Variants in PRKG1 observed in about 807,000 individuals in gnomAD.
PRKG1 encodes the protein cGMP-dependent protein kinase 1.
Under a neutral mutation model 88.1 loss-of-function variants are expected in PRKG1, and 35 were observed. The observed-to-expected ratio is 0.40, with a 90% CI of 0.30 to 0.53. The LOEUF (loss-of-function observed/expected upper bound fraction) is 0.53, where lower values mean the gene tolerates loss of function less well. Among genes scored for constraint, PRKG1 ranks in the 20% least tolerant of loss-of-function variants. PRKG1 has a pLI of 0.59. For missense variants in PRKG1, 540 were observed against 839.8 expected (o/e 0.64, Z 4.41); for synonymous variants, 303 against 292.5 (o/e 1.04, Z -0.37).
chr10:51,224,278 T>C (rs1838629662), intron 2 of PRKG1, among the ~76,000 whole-genome samples: 1 of 152,198 alleles, frequency 6.6e-6, no homozygotes, highest in South Asian at 2.1e-4. Context: ...TTAGAATCAC[T>C]AAGGAGTCAG....
At chr10:51,337,841 G>A (rs140714061) in intron 2 of PRKG1, among the ~76,000 whole-genome samples, 219 of 152,176 alleles carry the variant, frequency 1.4e-3, no homozygotes, top group African/African-American at 5.1e-3. Context: ...GAGGGTGTGG[G>A]GATTCCTCAA....
chr10:52,093,904 A>G (rs147750498), intron 7 of PRKG1, among the ~76,000 whole-genome samples: 1 of 152,308 alleles, frequency 6.6e-6, no homozygotes, highest in African/African-American at 2.4e-5. Flanking sequence ...ACAGAAAATT[A>G]TGCACACAGC....
intron 2 of PRKG1, among the ~76,000 whole-genome samples, chr10:51,329,096 T>C (rs1024832382): frequency 6.6e-6 from 1 of 152,204 alleles, no homozygotes; most frequent in South Asian, 2.1e-4. Context: ...ATTTTTGATT[T>C]TGTTGCCATT....
At chr10:51,820,878 C>G (rs182502397) in intron 4 of PRKG1, among the ~76,000 whole-genome samples, 2 of 152,080 alleles carry the variant, frequency 1.3e-5, no homozygotes, top group East Asian at 3.9e-4. Flanking sequence ...TATCAGAGTA[C>G]TGTAAAATAC....
At chr10:51,986,511 G>A (rs562720126) in intron 5 of PRKG1, among the ~76,000 whole-genome samples, 4 of 152,214 alleles carry the variant, frequency 2.6e-5, no homozygotes, top group Non-Finnish European at 4.4e-5. Context: ...AGAACATTAT[G>A]TGATGCCAGC....
chr10:51,199,928 C>T (rs558938245), intron 2 of PRKG1, among the ~76,000 whole-genome samples: 1 of 152,152 alleles, frequency 6.6e-6, no homozygotes, highest in African/African-American at 2.4e-5. Context: ...CTCAAGTGAC[C>T]CTAATGCAAG....
chr10:51,027,270 T>A (rs1233805042), intron 1 of PRKG1, among the ~76,000 whole-genome samples: 2 of 152,192 alleles, frequency 1.3e-5, no homozygotes, highest in Non-Finnish European at 2.9e-5. Flanking sequence ...ATCTCATTGA[T>A]CCTGTGTGTT....
At chr10:51,254,096 C>T (rs1839493402) in intron 2 of PRKG1, among the ~76,000 whole-genome samples, 1 of 151,928 alleles carries the variant, frequency 6.6e-6, no homozygotes, top group Non-Finnish European at 1.5e-5. Context: ...ATTATACACA[C>T]ATACACACAC....
intron 10 of PRKG1, among the ~76,000 whole-genome samples, chr10:52,262,922 A>G (rs181792584): frequency 6.6e-6 from 1 of 152,234 alleles, no homozygotes; most frequent in East Asian, 1.9e-4. Flanking sequence ...ATGTCTATAT[A>G]TGTTCACCTC....
chr10:50,997,364 G>A (rs1234929379), intron 1 of PRKG1, among the ~76,000 whole-genome samples: 1 of 152,116 alleles, frequency 6.6e-6, no homozygotes, highest in Non-Finnish European at 1.5e-5. Flanking sequence ...TATATGCACA[G>A]GTTGAAAGTT....
chr10:51,030,777 C>A (rs947444657), intron 1 of PRKG1, among the ~76,000 whole-genome samples: 7 of 152,148 alleles, frequency 4.6e-5, no homozygotes, highest in African/African-American at 1.7e-4. Flanking sequence ...TACATCGGCT[C>A]CCCTTTGCCT....
At chr10:51,720,464 T>C (rs1841986722) in intron 3 of PRKG1, among the ~76,000 whole-genome samples, 1 of 152,238 alleles carries the variant, frequency 6.6e-6, no homozygotes, top group African/African-American at 2.4e-5. Flanking sequence ...TGTCATGTCC[T>C]GTGCGAAGAG....
At position 52,018,585 on chromosome 10, in the gene PRKG1, C is replaced by A. The variant is rs760851617; in HGVS notation, c.763-35899C>A. Among the ~76,000 whole-genome samples the A allele has an allele frequency of 9.8e-5, 15 of 152,294 alleles. 1 individual carries two copies. The highest frequency in any genetic ancestry group is 2.6e-4 in the Admixed American group (4 of 15,280). ...ACAAACAACAAACCCCAAAACAACA[C>A]AGGATCTTTTCATTTTATAAAATGT... On this transcript the variant is annotated intron_variant, in intron 5 of 17. Coordinates refer to ENST00000373980, the MANE Select transcript of PRKG1 (RefSeq NM_006258.4).
chr10:52,193,389 T>A (rs1390150894), intron 9 of PRKG1, among the ~76,000 whole-genome samples: 3 of 138,676 alleles, frequency 2.2e-5, no homozygotes, highest in African/African-American at 9.4e-5. Context: ...CTACTAAAAA[T>A]ACAAAAAAAT....
chr10:51,713,627 C>T (rs1162603458), intron 3 of PRKG1, among the ~76,000 whole-genome samples: 1 of 152,124 alleles, frequency 6.6e-6, no homozygotes, highest in East Asian at 1.9e-4. Context: ...TAAAGAAAAA[C>T]ACGTAAAACA....
At chr10:51,285,174 C>G (rs1261121056) in intron 2 of PRKG1, among the ~76,000 whole-genome samples, 1 of 151,268 alleles carries the variant, frequency 6.6e-6, no homozygotes, top group Non-Finnish European at 1.5e-5. Flanking sequence ...CGATAGTTTA[C>G]TGAGAATGAT....
At chr10:51,988,617 T>C (rs1248332655) in intron 5 of PRKG1, among the ~76,000 whole-genome samples, 1 of 152,088 alleles carries the variant, frequency 6.6e-6, no homozygotes, top group Non-Finnish European at 1.5e-5. Flanking sequence ...TAAACATTTT[T>C]CCATAAGTAT....
chr10:51,863,144 A>C (rs1466597037), intron 4 of PRKG1, among the ~76,000 whole-genome samples: 2 of 112,702 alleles, frequency 1.8e-5, no homozygotes, highest in South Asian at 5.6e-4. Context: ...AGAGTATCTC[A>C]TGCTAATCCA....
intron 9 of PRKG1, among the ~76,000 whole-genome samples, chr10:52,221,889 C>A (rs1840254175): frequency 1.3e-5 from 2 of 152,124 alleles, no homozygotes; most frequent in Admixed American, 6.5e-5. Flanking sequence ...GATATTTGGG[C>A]TATTGGATTA....
Sources: gnomAD v4.1 joint callset for allele counts (sites outside exome capture counted in the v4.1 genomes callset) on GRCh38, gnomAD v4.1.1 for gene constraint, MANE v1.5 for transcripts, NCBI Gene and HGNC (gene_info 2026-07-23, HGNC 2026-07-21) for gene names.